The following BIN3 variants were observed in gnomAD, a reference collection of about 807,000 sequenced individuals.
The protein encoded by BIN3 is bridging integrator 3.
Under a neutral mutation model 38.2 loss-of-function variants are expected in BIN3, and 41 were observed. That is an observed-to-expected ratio of 1.07 (90% CI 0.84 to 1.39). The LOEUF is 1.39. Among genes scored for constraint, BIN3 ranks in the 40% most tolerant of loss-of-function variants. The probability of loss-of-function intolerance (pLI) is 0.00; values close to 1 mark genes in which losing one functional copy is unlikely to be tolerated. For synonymous variants in BIN3, 145 were observed against 122.6 expected, an observed-to-expected ratio of 1.18 and a Z score of -1.21; for missense variants, 361 against 324.3, an observed-to-expected ratio of 1.11 and a Z score of -0.87.
chr8:22,636,521 C>T lies in BIN3; in HGVS notation c.160+4G>A, dbSNP rs1802371646. 3.2e-6 allele frequency: 5 copies of T among 1,552,050 alleles called. No individual in the cohort carries two copies. In the East Asian group the frequency reaches 9.8e-5, roughly 30 times the overall value. The stretch of plus-strand genomic sequence containing the variant: ...GCGAGTGGTGCGGGTGGAAAGTCAC[C>T]TACCCAGGTCTGCGTCGGTGCTCTT... On this transcript the variant is annotated splice_donor_region_variant and intron_variant, in intron 4 of 8. Coordinates refer to ENST00000276416, the MANE Select transcript of BIN3 (RefSeq NM_018688.6).
intron 2 of BIN3, among the ~76,000 whole-genome samples, chr8:22,637,622 A>G (rs981836833): frequency 1.3e-5 from 2 of 152,346 alleles, no homozygotes; most frequent in African/African-American, 2.4e-5. Context: ...CCGGGGCTGC[A>G]CTTGTTGCGG....
At chr8:22,640,797 C>A (rs1371163859) in intron 2 of BIN3, among the ~76,000 whole-genome samples, 1 of 151,136 alleles carries the variant, frequency 6.6e-6, no homozygotes, top group African/African-American at 2.5e-5. Context: ...CCGGGAGGGA[C>A]TTCAGGTTTT....
chr8:22,622,191 G>A lies in BIN3; in HGVS notation c.616-623C>T, dbSNP rs1230474348. On this transcript the variant is annotated intron_variant, in intron 8 of 8. Coordinates refer to ENST00000276416, the MANE Select transcript of BIN3 (RefSeq NM_018688.6). ...GGCAGGTGGAGGAATGGGGAAGCCC[G>A]TCAATTCTCCCAGATGGCTGAGGAC... 3.9e-5 allele frequency among the ~76,000 whole-genome samples: 6 copies of A among 152,350 alleles called. No homozygotes were observed. In the East Asian group the frequency reaches 7.7e-4, roughly 20 times the overall value.
Position 22,621,446 on chromosome 8 carries a change from G to C in BIN3, c.738C>G (p.Ala246=). ...ENEAKLSELR[A]LSIVADD ...TTCAGTCATCGGCCACAATGGAGAG[G>C]GCCCGGAGCTCACTGAGTTTGGCCT... is the stretch of plus-strand genomic sequence containing the variant. Residue 246 remains alanine (A), a synonymous_variant, in exon 9 of 9, where the codon GCC becomes GCG. Coordinates refer to ENST00000276416, the MANE Select transcript of BIN3 (RefSeq NM_018688.6). The C allele has an allele frequency of 6.2e-7, 1 of 1,613,632 alleles. No individual in the cohort carries two copies. The highest frequency in any genetic ancestry group is 8.5e-7 in the Non-Finnish European group (1 of 1,179,790).
intron 6 of BIN3, chr8:22,625,215 T>G (rs876713): frequency 0.063 from 42,319 of 671,916 alleles, 3,047 homozygotes; most frequent in African/African-American, 0.28. Flanking sequence ...GGATCATGTG[T>G]CCTCTAGTGA....
rs912290032 is a variant in BIN3 at position 22,621,141 on chromosome 8, G to A, written c.*281C>T. 2 of 392,056 alleles carry A rather than the reference G, an allele frequency of 5.1e-6. No homozygotes were observed. The highest frequency in any genetic ancestry group is 2.1e-5 in the African/African-American group (1 of 48,670). The allele number at this position is 392,056 out of a possible 1,614,324, so 24.3% of individuals were successfully genotyped here. ...CATGGCCTCAGAAGGGCTGCAGCTT[G>A]CTCAGGCCGTGGGCCAGGATGCATG... On this transcript the variant is annotated 3_prime_UTR_variant, in exon 9 of 9. Transcript: ENST00000276416.
intron 4 of BIN3, among the ~76,000 whole-genome samples, chr8:22,633,260 A>T (rs1033104148): frequency 4.6e-5 from 7 of 152,106 alleles, no homozygotes; most frequent in Admixed American, 6.5e-5. Context: ...CCTTGAGCCC[A>T]GGAGTTCGAG....
At chr8:22,623,274 G>T (rs1801897040) in intron 8 of BIN3, among the ~76,000 whole-genome samples, 1 of 152,182 alleles carries the variant, frequency 6.6e-6, no homozygotes, top group African/African-American at 2.4e-5. Flanking sequence ...GATGGAGGAG[G>T]GTGAGGAGCA....
intron 1 of BIN3, among the ~76,000 whole-genome samples, chr8:22,650,430 G>A (rs1259616363): frequency 2.0e-5 from 3 of 152,078 alleles, no homozygotes; most frequent in Non-Finnish European, 2.9e-5. Flanking sequence ...TACTAAATCC[G>A]CCTTTTGTGA....
chr8:22,649,087 T>G (rs2117569228), intron 1 of BIN3, among the ~76,000 whole-genome samples: 1 of 152,306 alleles, frequency 6.6e-6, no homozygotes, highest in African/African-American at 2.4e-5. Context: ...ACCTTACTTT[T>G]CCTATTCACT....
intron 6 of BIN3, among the ~76,000 whole-genome samples, chr8:22,627,836 C>T (rs941937939): frequency 1.3e-5 from 2 of 152,276 alleles, no homozygotes; most frequent in Non-Finnish European, 1.5e-5. Flanking sequence ...TGGTCCTGCA[C>T]CACGCTGGCA....
At chr8:22,627,424 G>A (rs1585178737) in intron 6 of BIN3, among the ~76,000 whole-genome samples, 1 of 152,204 alleles carries the variant, frequency 6.6e-6, no homozygotes, top group South Asian at 2.1e-4. Context: ...AAGCCCCGGG[G>A]TGGACAGTGG....
At chr8:22,659,786 T>C (rs1803174075) in intron 1 of BIN3, among the ~76,000 whole-genome samples, 2 of 152,334 alleles carry the variant, frequency 1.3e-5, no homozygotes, top group South Asian at 4.1e-4. Context: ...ATCTATAAAA[T>C]AGGATGGAAA....
intron 1 of BIN3, among the ~76,000 whole-genome samples, chr8:22,651,170 T>A (rs1802877441): frequency 6.6e-6 from 1 of 152,232 alleles, no homozygotes. Context: ...ATAAATAACA[T>A]GCATACTTTT....
rs545436949 is a variant in BIN3 at position 22,624,108 on chromosome 8, G to A, written c.481-59C>T. ...CACTGCTGGGTGCCGGATACGGGAT[G>A]GGTGGGGTGGGGACGTCTGGTGTCT... On this transcript the variant is annotated intron_variant, in intron 7 of 8. Coordinates refer to ENST00000276416, the MANE Select transcript of BIN3 (RefSeq NM_018688.6). The A allele has an allele frequency of 3.2e-4, 508 of 1,593,444 alleles. 9 individuals carry two copies. The South Asian group carries it at 5.3e-3, about 17-fold the overall frequency.
chr8:22,629,434 C>T (rs1802109261), intron 6 of BIN3, among the ~76,000 whole-genome samples: 2 of 152,234 alleles, frequency 1.3e-5, no homozygotes, highest in Admixed American at 6.5e-5. Flanking sequence ...GAAGATGAGC[C>T]TCATAGAAGC....
intron 5 of BIN3, 90 bp downstream of exon 5, chr8:22,630,352 G>C: frequency 6.5e-7 from 1 of 1,526,908 alleles, no homozygotes; most frequent in African/African-American, 1.4e-5. Flanking sequence ...AGAGCAGAGG[G>C]AGCCCACTCG....
chr8:22,652,497 ACATGTGTG>A lies in BIN3; in HGVS notation c.9-7702_9-7695del, dbSNP rs1283455408. Among the ~76,000 whole-genome samples the A allele has an allele frequency of 2.0e-5, 3 of 152,292 alleles. No individual in the cohort carries two copies. The East Asian group carries it at 5.8e-4, about 29-fold the overall frequency. Reference sequence around the variant, plus strand: ...AGCCTGCGTGTGCATGTATGTGTACACATGTGTGCATGTGCGCATGTGTGGTGGGGAGG... The same window carrying A: ...AGCCTGCGTGTGCATGTATGTGTACACATGTGCGCATGTGTGGTGGGGAGG... On this transcript the variant is annotated intron_variant, in intron 1 of 8. Coordinates refer to ENST00000276416, the MANE Select transcript of BIN3 (RefSeq NM_018688.6).
intron 8 of BIN3, 77 bp from the exon 9 acceptor site, chr8:22,621,645 C>T (rs1165503980): frequency 7.0e-7 from 1 of 1,431,726 alleles, no homozygotes. Flanking sequence ...GCTCACACTT[C>T]TCTGCTACCC....
Sources: gnomAD v4.1 joint callset for allele counts (sites outside exome capture counted in the v4.1 genomes callset) on GRCh38, gnomAD v4.1.1 for gene constraint, MANE v1.5 for transcripts, NCBI Gene and HGNC (gene_info 2026-07-23, HGNC 2026-07-21) for gene names.